GALNT13: variants seen among roughly 807,000 people sequenced by gnomAD.
The protein encoded by GALNT13 is UDP-GalNAc:polypeptide N-acetylgalactosaminyltransferase 13.
GALNT13 carries 28 observed loss-of-function variants against 64.2 expected under a neutral mutation model. The ratio of observed to expected loss-of-function variants is 0.44; its 90% CI spans 0.32 to 0.60. The LOEUF (loss-of-function observed/expected upper bound fraction) is 0.60. Among genes scored for constraint, GALNT13 ranks in the 20% least tolerant of loss-of-function variants. GALNT13 has a pLI of 0.05. For missense variants in GALNT13, 577 were observed against 669.8 expected (o/e 0.86, Z 1.53); for synonymous variants, 214 against 224.6 (o/e 0.95, Z 0.42).
chr2:153,913,714 G>T (rs530585094), intron 2 of GALNT13, among the ~76,000 whole-genome samples: 1 of 152,200 alleles, frequency 6.6e-6, no homozygotes, highest in Admixed American at 6.5e-5. Context: ...GGAGTTCTTC[G>T]GGGCCAGGAA....
the GALNT13 span, among the ~76,000 whole-genome samples, chr2:153,460,498 T>C: frequency 6.6e-6 from 1 of 152,084 alleles, no homozygotes; most frequent in Admixed American, 6.6e-5. Flanking sequence ...AAGAAGACCA[T>C]CATTATTCCG....
intron 10 of GALNT13, among the ~76,000 whole-genome samples, chr2:154,403,200 C>G (rs1699376441): frequency 6.6e-6 from 1 of 152,078 alleles, no homozygotes. Context: ...ACGCCTGTAA[C>G]CTAGCACTTT....
the GALNT13 span, among the ~76,000 whole-genome samples, chr2:153,243,172 G>C: frequency 6.6e-6 from 1 of 152,176 alleles, no homozygotes; most frequent in African/African-American, 2.4e-5. Flanking sequence ...TGGGTGATGG[G>C]CTGATTACAA....
At chr2:153,969,725 A>C (rs2105122190) in intron 3 of GALNT13, among the ~76,000 whole-genome samples, 2 of 152,308 alleles carry the variant, frequency 1.3e-5, no homozygotes, top group South Asian at 4.1e-4. Context: ...AAAAGTTTAA[A>C]AATCTTTCTT....
intron 9 of GALNT13, among the ~76,000 whole-genome samples, chr2:154,371,543 G>C (rs1404669818): frequency 6.6e-6 from 1 of 151,984 alleles, no homozygotes; most frequent in Non-Finnish European, 1.5e-5. Flanking sequence ...TATATAAAGG[G>C]AGAGAAACTG....
chr2:154,312,794 C>T (rs1378068410), intron 9 of GALNT13, among the ~76,000 whole-genome samples: 3 of 151,970 alleles, frequency 2.0e-5, no homozygotes, highest in African/African-American at 4.8e-5. Flanking sequence ...GTGGTCTCTC[C>T]GGGCCATAAC....
chr2:154,186,300 G>C (rs545545332), intron 4 of GALNT13, among the ~76,000 whole-genome samples: 2 of 152,020 alleles, frequency 1.3e-5, no homozygotes, highest in East Asian at 3.9e-4. Flanking sequence ...GTCATTAGAT[G>C]AAAAAAACAG....
chr2:153,498,063 T>C, the GALNT13 span, among the ~76,000 whole-genome samples: 1 of 152,338 alleles, frequency 6.6e-6, no homozygotes, highest in Admixed American at 6.5e-5. Flanking sequence ...GAGATTATTT[T>C]GTACTCTTAC....
chr2:153,688,310 C>A, the GALNT13 span, among the ~76,000 whole-genome samples: 1 of 151,854 alleles, frequency 6.6e-6, no homozygotes, highest in Non-Finnish European at 1.5e-5. Flanking sequence ...TTAGAAACTT[C>A]TTTTGGGAGA....
the GALNT13 span, among the ~76,000 whole-genome samples, chr2:153,675,285 T>G: frequency 1.3e-5 from 2 of 152,236 alleles, no homozygotes; most frequent in Admixed American, 6.5e-5. Context: ...AGCAAAGACT[T>G]GGAACCAACC....
intron 11 of GALNT13, among the ~76,000 whole-genome samples, chr2:154,434,321 G>T (rs1700836383): frequency 6.6e-6 from 1 of 152,140 alleles, no homozygotes; most frequent in South Asian, 2.1e-4. Context: ...GTGCAGTGGT[G>T]TGATCTCCGC....
At chr2:154,171,539 C>G (rs774063395) in intron 4 of GALNT13, among the ~76,000 whole-genome samples, 2 of 151,982 alleles carry the variant, frequency 1.3e-5, no homozygotes, top group Non-Finnish European at 2.9e-5. Flanking sequence ...ACTTGACTTG[C>G]CTGGATAATA....
chr2:154,437,290 G>A (rs1701027938), intron 11 of GALNT13: 1 of 182,070 alleles, frequency 5.5e-6, no homozygotes, highest in Admixed American at 6.0e-5. Context: ...ACCACTTCTT[G>A]TGGTTTTCAT....
At chr2:153,129,335 GC>G in the GALNT13 span, among the ~76,000 whole-genome samples, 1 of 152,012 alleles carries the variant, frequency 6.6e-6, no homozygotes, top group Admixed American at 6.6e-5. Context: ...GCTTTCTCTG[GC>G]AAAACCAAAA....
the GALNT13 span, among the ~76,000 whole-genome samples, chr2:153,396,475 C>T: frequency 6.6e-6 from 1 of 151,904 alleles, no homozygotes; most frequent in South Asian, 2.1e-4. Flanking sequence ...GAGAGCACTT[C>T]CTCAATTACA....
At chr2:154,381,326 C>T (rs1399243307) in intron 9 of GALNT13, among the ~76,000 whole-genome samples, 1 of 152,058 alleles carries the variant, frequency 6.6e-6, no homozygotes, top group Non-Finnish European at 1.5e-5. Flanking sequence ...ATTTCCCCTA[C>T]CTTTATATCT....
At chr2:154,236,261 G>A in intron 4 of GALNT13, 1 of 689,818 alleles carries the variant, frequency 1.4e-6, no homozygotes, top group Non-Finnish European at 1.9e-6. Context: ...GTTGGCATAA[G>A]CCTAAAGGTT....
chr2:153,639,522 C>T, the GALNT13 span, among the ~76,000 whole-genome samples: 1 of 151,974 alleles, frequency 6.6e-6, no homozygotes, highest in Non-Finnish European at 1.5e-5. Flanking sequence ...TTGTTTTTGA[C>T]AAGAGTGATA....
At chr2:154,215,511 A>G (rs1402590784) in intron 4 of GALNT13, among the ~76,000 whole-genome samples, 1 of 151,948 alleles carries the variant, frequency 6.6e-6, no homozygotes, top group Admixed American at 6.6e-5. Flanking sequence ...TCATTCTTCT[A>G]AGTATTCTTA....
Sources: gnomAD v4.1 joint callset for allele counts (sites outside exome capture counted in the v4.1 genomes callset) on GRCh38, gnomAD v4.1.1 for gene constraint, MANE v1.5 for transcripts, NCBI Gene and HGNC (gene_info 2026-07-23, HGNC 2026-07-21) for gene names.